PKHD1: variants seen among roughly 807,000 people sequenced by gnomAD.
The protein encoded by PKHD1 is fibrocystin.
PKHD1 carries 291 observed loss-of-function variants against 412.0 expected under a neutral mutation model. The ratio of observed to expected loss-of-function variants is 0.71; its 90% CI spans 0.64 to 0.78. The LOEUF is 0.78. Ranked by LOEUF, PKHD1 falls within the 30% of genes least tolerant of loss-of-function variation. The pLI is 0.00. For missense variants in PKHD1, 4,825 were observed against 4,950.7 expected, an observed-to-expected ratio of 0.97 and a Z score of 0.76; for synonymous variants, 1,777 against 1,821.5, an observed-to-expected ratio of 0.98 and a Z score of 0.62.
chr6:51,698,324 C>T (rs897454233), intron 60 of PKHD1, among the ~76,000 whole-genome samples: 2 of 152,142 alleles, frequency 1.3e-5, no homozygotes, highest in Non-Finnish European at 2.9e-5. Flanking sequence ...TATTTGGGAT[C>T]TAACCAGAAT....
intron 52 of PKHD1, among the ~76,000 whole-genome samples, chr6:51,813,369 G>A (rs561853847): frequency 2.0e-5 from 3 of 152,034 alleles, no homozygotes; most frequent in Admixed American, 6.6e-5. Flanking sequence ...ATAATAACGG[G>A]TACATTGTTG....
At chr6:51,746,362 A>G (rs1032944658) in intron 59 of PKHD1, among the ~76,000 whole-genome samples, 19 of 152,292 alleles carry the variant, frequency 1.2e-4, no homozygotes, top group African/African-American at 4.1e-4. Context: ...GCAAGTTTGA[A>G]AACATCCCAA....
At chr6:51,771,847 A>G (rs1168475696) in intron 55 of PKHD1, among the ~76,000 whole-genome samples, 1 of 152,066 alleles carries the variant, frequency 6.6e-6, no homozygotes, top group Non-Finnish European at 1.5e-5. Context: ...TTCCTTAAAC[A>G]TTTATAGATG....
At chr6:52,028,990 C>T (rs972373466) in intron 29 of PKHD1, among the ~76,000 whole-genome samples, 3 of 152,226 alleles carry the variant, frequency 2.0e-5, no homozygotes, top group Non-Finnish European at 4.4e-5. Flanking sequence ...TGCTTAACCT[C>T]CACTTTTCTA....
intron 60 of PKHD1, chr6:51,740,167 T>C: frequency 2.6e-6 from 1 of 386,510 alleles, no homozygotes. Context: ...CCAAGTTGGC[T>C]GCACATGCAA....
chr6:51,825,820 TGAA>T (rs1476522040), intron 52 of PKHD1, among the ~76,000 whole-genome samples: 1 of 152,136 alleles, frequency 6.6e-6, no homozygotes, highest in Non-Finnish European at 1.5e-5. Flanking sequence ...CCCCAGTAGC[TGAA>T]GCCCAAATTT....
At chr6:51,740,608 A>C (rs1194893611) in intron 60 of PKHD1, among the ~76,000 whole-genome samples, 2 of 152,218 alleles carry the variant, frequency 1.3e-5, no homozygotes, top group African/African-American at 4.8e-5. Context: ...AACTGAAAAA[A>C]TACAAAATAG....
chr6:51,844,491 G>A (rs1293056530), intron 50 of PKHD1, among the ~76,000 whole-genome samples: 4 of 152,066 alleles, frequency 2.6e-5, no homozygotes, highest in South Asian at 2.1e-4. Context: ...TAGCACCCCC[G>A]CCATCCTTTC....
chr6:52,043,483 T>C, intron 26 of PKHD1, 142 bp downstream of exon 26: 1 of 713,682 alleles, frequency 1.4e-6, no homozygotes, highest in Non-Finnish European at 2.5e-6. Flanking sequence ...GACCAAAAAA[T>C]ACACTTTCTG....
At chr6:51,732,020 A>G (rs1412895945) in intron 60 of PKHD1, among the ~76,000 whole-genome samples, 1 of 152,208 alleles carries the variant, frequency 6.6e-6, no homozygotes, top group Non-Finnish European at 1.5e-5. Flanking sequence ...ATGGCATAAC[A>G]GTAAAAAGCA....
intron 53 of PKHD1, among the ~76,000 whole-genome samples, chr6:51,776,613 C>G (rs1311135294): frequency 6.6e-6 from 1 of 151,862 alleles, no homozygotes; most frequent in Non-Finnish European, 1.5e-5. Flanking sequence ...AATTATTATC[C>G]CAGTTTTAAA....
intron 60 of PKHD1, chr6:51,682,262 CAT>C (rs1189677811): frequency 2.2e-6 from 1 of 453,560 alleles, no homozygotes; most frequent in African/African-American, 2.0e-5. Context: ...AAAACAGAAA[CAT>C]AACACAATTT....
chr6:51,883,254 A>G, intron 45 of PKHD1, 27 bp from the exon 46 acceptor site: 1 of 1,610,082 alleles, frequency 6.2e-7, no homozygotes, highest in Non-Finnish European at 8.5e-7. Flanking sequence ...GTTACAGCAA[A>G]GGTCTGAGGC....
intron 41 of PKHD1, among the ~76,000 whole-genome samples, chr6:51,905,154 G>T (rs1205437179): frequency 1.3e-5 from 2 of 152,140 alleles, no homozygotes; most frequent in Non-Finnish European, 2.9e-5. Flanking sequence ...ATATCAAACG[G>T]TATTTAACAA....
chr6:52,080,039 T>A (rs745799948), intron 4 of PKHD1, 31 bp from the exon 5 acceptor site: 3 of 1,328,988 alleles, frequency 2.3e-6, no homozygotes, highest in Non-Finnish European at 3.3e-6. Flanking sequence ...TCCTTATGAA[T>A]CAAAAACCAT....
At chr6:51,646,789 A>C (rs374090452) in intron 63 of PKHD1, among the ~76,000 whole-genome samples, 181 of 152,356 alleles carry the variant, frequency 1.2e-3, no homozygotes, top group African/African-American at 4.3e-3. Context: ...ATTCTGAATC[A>C]ATCCAGTTGT....
intron 33 of PKHD1, among the ~76,000 whole-genome samples, chr6:52,021,251 T>C (rs1255942295): frequency 6.6e-6 from 1 of 152,224 alleles, no homozygotes; most frequent in African/African-American, 2.4e-5. Context: ...TTCTAAATCT[T>C]TCTAAACACA....
chr6:51,642,633 A>G (rs978885883), intron 63 of PKHD1, among the ~76,000 whole-genome samples: 1 of 152,166 alleles, frequency 6.6e-6, no homozygotes, highest in Non-Finnish European at 1.5e-5. Context: ...TGAGGTCAGG[A>G]TTTCGAGACC....
intron 37 of PKHD1, among the ~76,000 whole-genome samples, chr6:51,923,066 A>C (rs1784949942): frequency 6.6e-6 from 1 of 152,218 alleles, no homozygotes. Context: ...CTATTCAGCC[A>C]TCTTGGAACC....
Sources: gnomAD v4.1 joint callset for allele counts (sites outside exome capture counted in the v4.1 genomes callset) on GRCh38, gnomAD v4.1.1 for gene constraint, MANE v1.5 for transcripts, NCBI Gene and HGNC (gene_info 2026-07-23, HGNC 2026-07-21) for gene names.